BEND4: variants seen among roughly 807,000 people sequenced by gnomAD.
BEND4 encodes the protein BEN domain-containing protein 4.
BEND4 carries 27 observed loss-of-function variants against 54.7 expected under a neutral mutation model. The ratio of observed to expected loss-of-function variants is 0.49; its 90% confidence interval spans 0.36 to 0.68. The LOEUF is 0.68. Ranked by LOEUF, BEND4 falls within the 30% of genes least tolerant of loss-of-function variation. The pLI is 0.00. For missense variants in BEND4, 702 were observed against 697.2 expected (o/e 1.01, Z -0.08); for synonymous variants, 327 against 299.5 (o/e 1.09, Z -0.95).
chr4:42,150,350 TG>T (rs1721222416), intron 2 of BEND4, among the ~76,000 whole-genome samples: 1 of 125,532 alleles, frequency 8.0e-6, no homozygotes, highest in Admixed American at 7.0e-5. Flanking sequence ...AGAACCCCAC[TG>T]AAAGCAATCA....
rs1475415076 is a variant in BEND4 at position 42,123,706 on chromosome 4, A to AAAAACAAAAACAAAC, written c.1146+1876_1146+1877insGTTTGTTTTTGTTTT. Among the ~76,000 whole-genome samples the AAAAACAAAAACAAAC allele has an allele frequency of 3.3e-3, 476 of 142,944 alleles. 6 individuals carry two copies. The highest frequency in any genetic ancestry group is 0.011 in the Middle Eastern group (3 of 282). The allele number at this position is 142,944 out of a possible 152,430, so 93.8% of individuals were successfully genotyped here. On this transcript the variant is annotated intron_variant, in intron 4 of 5. Coordinates refer to ENST00000502486, the MANE Select transcript of BEND4 (RefSeq NM_207406.4). Reference sequence around the variant, plus strand: ...GATCTGTAATTCAGAAAAAAAAAAAAAAAAAAAAAAACAACTTTCCAGGGT... The same window carrying AAAAACAAAAACAAAC: ...GATCTGTAATTCAGAAAAAAAAAAAAAAAACAAAAACAAACAAAAAAAAAAACAACTTTCCAGGGT...
At chr4:42,117,809 G>A (rs1303633797) in intron 5 of BEND4, 74 bp from the exon 6 acceptor site, 1 of 1,019,734 alleles carries the variant, frequency 9.8e-7, no homozygotes, top group African/African-American at 1.6e-5. Context: ...TGACAGGGCA[G>A]GCTGCTTAAA....
At position 42,151,692 on chromosome 4, in the gene BEND4, G is replaced by A. The variant is rs932119677; in HGVS notation, c.452C>T (p.Thr151Met). 5.3e-6 allele frequency: 8 copies of A among 1,504,726 alleles called. No homozygotes were observed. Among genetic ancestry groups the A allele is most frequent in the Non-Finnish European group, 6.2e-6 (7 of 1,130,920 alleles). The allele number at this position is 1,504,726 out of a possible 1,614,324, so 93.2% of individuals were successfully genotyped here. A position where few individuals can be genotyped will look rare whatever the true frequency, so the allele number is the denominator to read the frequency against. Residue 151 changes from threonine to methionine, a missense_variant, in exon 2 of 6, where the codon ACG (threonine) becomes ATG (methionine). Thr to Met is a moderately conservative substitution (Grantham distance 81). Transcript: ENST00000502486. ...GAAAAAGTGGTGSDSASLELS... is the reference protein window; with the variant it reads ...GAAAAAGTGGMGSDSASLELS... ...CTCCAGGCTGGCGCTGTCGCTACCC[G>A]TGCCGCCGGTGCCGGCGGCCGCCGC...
chr4:42,151,811 GC>G lies in BEND4; in HGVS notation c.332del (p.Gly111AlafsTer3). 7.0e-7 allele frequency: 1 copy of G among 1,438,776 alleles called. No homozygotes were observed. The highest frequency in any genetic ancestry group is 9.0e-7 in the Non-Finnish European group (1 of 1,106,976). The allele number at this position is 1,438,776 out of a possible 1,614,324, so 89.1% of individuals were successfully genotyped here. ...GCGGCTGCGCCGGAGTCCTCAAGTGGCCCTGGGATGTGGCGGGCGTGCAGGA... is the reference window on the plus strand; with the variant it reads ...GCGGCTGCGCCGGAGTCCTCAAGTGGCCTGGGATGTGGCGGGCGTGCAGGA... ...SPSCTPATSQ[G>X]HLRTPAQPPP... is the part of the protein sequence containing the mutation. On this transcript the variant is annotated frameshift_variant, in exon 2 of 6. Transcript: ENST00000502486. LOFTEE classifies it high-confidence loss of function.
At position 42,113,256 on chromosome 4, in the gene BEND4, G is replaced by A. The variant is rs1256240738; in HGVS notation, c.*4262C>T. 1 of 152,144 alleles carries A rather than the reference G, an allele frequency of 6.6e-6. No homozygotes were observed. The highest frequency in any genetic ancestry group is 6.5e-5 in the Admixed American group (1 of 15,278). 9.4% of individuals were successfully genotyped at this position (152,144 alleles called of 1,614,324 possible). A position where few individuals can be genotyped will look rare whatever the true frequency, so the allele number is the denominator to read the frequency against. On this transcript the variant is annotated 3_prime_UTR_variant, in exon 6 of 6. Coordinates refer to ENST00000502486, the MANE Select transcript of BEND4 (RefSeq NM_207406.4). ...TGTGAAATGACACAGCACTGAATGA[G>A]GAAAGTTATACATTTAAATCTTTCC...
At chr4:42,151,512 T>C (rs1721281179) in intron 2 of BEND4, 145 bp downstream of exon 2, 2 of 815,894 alleles carry the variant, frequency 2.5e-6, no homozygotes, top group Non-Finnish European at 3.4e-6. Context: ...AGTTTCCGGG[T>C]GCGCGGGGAG....
chr4:42,132,757 T>G (rs1426258998), intron 3 of BEND4, among the ~76,000 whole-genome samples: 1 of 152,114 alleles, frequency 6.6e-6, no homozygotes, highest in East Asian at 1.9e-4. Context: ...AATTAGGAAT[T>G]TTAAACAAGT....
At chr4:42,132,590 G>A (rs191106219) in intron 3 of BEND4, among the ~76,000 whole-genome samples, 1 of 152,058 alleles carries the variant, frequency 6.6e-6, no homozygotes, top group Non-Finnish European at 1.5e-5. Context: ...GATTACAGGC[G>A]TCCGCCACCA....
At chr4:42,117,985 T>TAG (rs1719912999) in intron 5 of BEND4, among the ~76,000 whole-genome samples, 1 of 152,082 alleles carries the variant, frequency 6.6e-6, no homozygotes, top group Admixed American at 6.5e-5. Context: ...AAGGAACATT[T>TAG]GCTGTTGAAA....
intron 4 of BEND4, among the ~76,000 whole-genome samples, chr4:42,124,424 A>G (rs1720191514): frequency 6.6e-6 from 1 of 152,218 alleles, no homozygotes; most frequent in Admixed American, 6.5e-5. Context: ...AGAAAAAGAC[A>G]AAGCATGAAC....
chr4:42,127,288 A>G (rs1349863820), intron 3 of BEND4, among the ~76,000 whole-genome samples: 1 of 152,230 alleles, frequency 6.6e-6, no homozygotes, highest in African/African-American at 2.4e-5. Flanking sequence ...ATTCTTACAG[A>G]CCTGGGCTGT....
At chr4:42,126,888 A>G (rs1720307786) in intron 3 of BEND4, among the ~76,000 whole-genome samples, 1 of 152,228 alleles carries the variant, frequency 6.6e-6, no homozygotes, top group Non-Finnish European at 1.5e-5. Context: ...AAACAAAAAG[A>G]ACAAAAGATA....
chr4:42,141,242 C>A (rs1720869577), intron 3 of BEND4, among the ~76,000 whole-genome samples: 1 of 152,220 alleles, frequency 6.6e-6, no homozygotes, highest in Non-Finnish European at 1.5e-5. Context: ...CTCCACAGGA[C>A]AATTGCACTT....
intron 3 of BEND4, among the ~76,000 whole-genome samples, chr4:42,135,753 C>T (rs371682397): frequency 2.0e-5 from 3 of 151,978 alleles, no homozygotes; most frequent in Admixed American, 6.6e-5. Flanking sequence ...CCAGCCTGGG[C>T]GACAGAGCAA....
chr4:42,132,343 G>A (rs1720537230), intron 3 of BEND4, among the ~76,000 whole-genome samples: 1 of 152,214 alleles, frequency 6.6e-6, no homozygotes, highest in South Asian at 2.1e-4. Context: ...TTGGCTTTCA[G>A]CAGCAAGAGG....
chr4:42,138,941 G>A (rs962460401), intron 3 of BEND4, among the ~76,000 whole-genome samples: 1 of 152,132 alleles, frequency 6.6e-6, no homozygotes, highest in Non-Finnish European at 1.5e-5. Context: ...AAAGATTGGT[G>A]TAGCTTACAT....
In BEND4 at chr4:42,152,287, C is replaced by T; in HGVS notation, c.-144G>A. 1.2e-6 allele frequency: 1 copy of T among 812,736 alleles called. No individual in the cohort carries two copies. The highest frequency in any genetic ancestry group is 1.6e-6 in the Non-Finnish European group (1 of 613,022). The allele number at this position is 812,736 out of a possible 1,614,324, so 50.3% of individuals were successfully genotyped here. On this transcript the variant is annotated 5_prime_UTR_variant, in exon 2 of 6. Coordinates refer to ENST00000502486, the MANE Select transcript of BEND4 (RefSeq NM_207406.4). ...TGTGTCTGTGCCGTGGCCGCCGCCG[C>T]CGCCGCCTGTCGCTGAGGCTGGCAT...
intron 3 of BEND4, among the ~76,000 whole-genome samples, chr4:42,129,388 C>CTAG (rs1222254287): frequency 2.0e-5 from 3 of 152,184 alleles, no homozygotes; most frequent in African/African-American, 7.2e-5. Flanking sequence ...TCCCATTAAC[C>CTAG]TACCATTGAC....
intron 3 of BEND4, among the ~76,000 whole-genome samples, chr4:42,142,127 G>C (rs952212591): frequency 2.6e-5 from 4 of 151,428 alleles, no homozygotes; most frequent in African/African-American, 4.8e-5. Context: ...GGATGGTCTC[G>C]ATCACCTGAC....
Sources: allele counts gnomAD v4.1 joint callset (sites outside exome capture counted in the v4.1 genomes callset), GRCh38; gene constraint gnomAD v4.1.1; transcripts MANE v1.5; gene names NCBI Gene and HGNC (gene_info 2026-07-23, HGNC 2026-07-21).